Variants in ANKS1B observed in about 807,000 individuals in gnomAD.
The protein encoded by ANKS1B is ankyrin repeat and sterile alpha motif domain containing 1B.
Under a neutral mutation model 148.3 loss-of-function variants are expected in ANKS1B, and 36 were observed. The observed-to-expected ratio is 0.24, with a 90% CI of 0.19 to 0.32. ANKS1B has a LOEUF of 0.32. ANKS1B is among the 10% of genes least tolerant of loss of function. The pLI is 1.00. For synonymous variants in ANKS1B, 542 were observed against 560.8 expected (o/e 0.97, Z 0.47); for missense variants, 1,157 against 1,542.6 (o/e 0.75, Z 4.19).
At chr12:99,635,266 A>G (rs1051637139) in intron 9 of ANKS1B, among the ~76,000 whole-genome samples, 2 of 152,204 alleles carry the variant, frequency 1.3e-5, no homozygotes, top group Non-Finnish European at 2.9e-5. Context: ...TATGCATCCA[A>G]AAGAATTAAA....
rs111872969 is a variant in ANKS1B at position 99,776,711 on chromosome 12, G to A, written c.848-1050C>T. On this transcript the variant is annotated intron_variant, in intron 6 of 26. Coordinates refer to ENST00000683438, the MANE Select transcript of ANKS1B (RefSeq NM_001352186.2). ...GTTTGTTTGTTTGAGATGGATTCTCGCTCTGTCGCCCAGGCTGGAGTGCAG... is the reference window on the plus strand; with the variant it reads ...GTTTGTTTGTTTGAGATGGATTCTCACTCTGTCGCCCAGGCTGGAGTGCAG... 1.7e-3 allele frequency among the ~76,000 whole-genome samples: 262 copies of A among 151,570 alleles called. 7 individuals are homozygous for A. Among genetic ancestry groups the A allele is most frequent in the African/African-American group, 4.8e-3 (197 of 41,266 alleles).
intron 8 of ANKS1B, among the ~76,000 whole-genome samples, chr12:99,755,594 CAAAA>C (rs369571107): frequency 0.02 from 2,408 of 123,270 alleles, 72 homozygotes; most frequent in South Asian, 0.13. Context: ...CAAAAATCCT[CAAAA>C]AAAAAAAAAA....
At chr12:98,889,236 T>C (rs1014215648) in intron 17 of ANKS1B, among the ~76,000 whole-genome samples, 17 of 152,318 alleles carry the variant, frequency 1.1e-4, no homozygotes, top group Admixed American at 9.8e-4. Flanking sequence ...AAATAGGAAA[T>C]TAAAAAGAAA....
intron 17 of ANKS1B, among the ~76,000 whole-genome samples, chr12:98,927,283 A>G (rs895394019): frequency 7.2e-5 from 11 of 152,128 alleles, no homozygotes; most frequent in Admixed American, 1.3e-4. Flanking sequence ...AGAAATTAAG[A>G]CATCCTCAGA....
intron 12 of ANKS1B, among the ~76,000 whole-genome samples, chr12:99,271,755 G>A (rs2077074104): frequency 6.8e-6 from 1 of 147,838 alleles, no homozygotes; most frequent in Non-Finnish European, 1.5e-5. Context: ...AAATGAAAAG[G>A]TCTTAGCAAC....
rs1024757494 is a variant in ANKS1B, at chr12:99,845,601, T to C, written c.135-20212A>G. ...TGATCGTGGTAGATAAGCTTTTTGATGTGCTGCTGGATTCAGTTTTCTGGT... is the reference window on the plus strand; with the variant it reads ...TGATCGTGGTAGATAAGCTTTTTGACGTGCTGCTGGATTCAGTTTTCTGGT... On this transcript the variant is annotated intron_variant, in intron 1 of 26. Coordinates refer to ENST00000683438, the MANE Select transcript of ANKS1B (RefSeq NM_001352186.2). Among the ~76,000 whole-genome samples the C allele has an allele frequency of 4.6e-5, 7 of 152,310 alleles. No homozygotes were observed. In the South Asian group the frequency reaches 8.3e-4, roughly 18 times the overall value.
At chr12:98,884,513 T>C (rs935906436) in intron 17 of ANKS1B, among the ~76,000 whole-genome samples, 6 of 152,174 alleles carry the variant, frequency 3.9e-5, no homozygotes, top group African/African-American at 7.2e-5. Flanking sequence ...AACTATCTAT[T>C]TGGGGGCCGG....
At chr12:98,740,895 G>A (rs562279184), downstream of ANKS1B, among the ~76,000 whole-genome samples, 1 of 152,278 alleles carries the variant, frequency 6.6e-6, no homozygotes, top group African/African-American at 2.4e-5. Flanking sequence ...CTTTTCTAAT[G>A]CCTGGAATAT....
intron 14 of ANKS1B, among the ~76,000 whole-genome samples, chr12:99,175,065 A>T (rs1211854818): frequency 1.3e-5 from 2 of 152,168 alleles, no homozygotes; most frequent in Non-Finnish European, 2.9e-5. Flanking sequence ...TAGCTAGCTG[A>T]TGTTGGATAT....
chr12:99,137,871 T>C (rs2068696215), intron 15 of ANKS1B, among the ~76,000 whole-genome samples: 1 of 152,072 alleles, frequency 6.6e-6, no homozygotes, highest in Non-Finnish European at 1.5e-5. Context: ...TGACCTCTTC[T>C]GTGGAGCCTT....
At chr12:99,447,375 C>T (rs1488249114) in intron 10 of ANKS1B, among the ~76,000 whole-genome samples, 1 of 151,988 alleles carries the variant, frequency 6.6e-6, no homozygotes, top group Non-Finnish European at 1.5e-5. Flanking sequence ...ACTTGAGAAA[C>T]TGAGGCAGGA....
intron 9 of ANKS1B, among the ~76,000 whole-genome samples, chr12:99,526,635 G>T (rs1428560027): frequency 6.6e-6 from 1 of 152,128 alleles, no homozygotes; most frequent in Non-Finnish European, 1.5e-5. Context: ...CATGAAGCTT[G>T]ATTCTTAGAT....
At position 99,484,850 on chromosome 12, in the gene ANKS1B, C is replaced by T. The variant is rs114162135; in HGVS notation, c.1438+19626G>A. 5.0e-3 allele frequency among the ~76,000 whole-genome samples: 740 copies of T among 146,814 alleles called. 6 individuals carry two copies. Among genetic ancestry groups the T allele is most frequent in the African/African-American group, 0.017 (678 of 39,572 alleles). ...AGCTACTCCTGCTTGCTTTTGTTTC[C>T]GTTTGTGTGGAATATCTTTTTCCAC... On this transcript the variant is annotated intron_variant, in intron 10 of 26. Coordinates refer to ENST00000683438, the MANE Select transcript of ANKS1B (RefSeq NM_001352186.2).
intron 17 of ANKS1B, among the ~76,000 whole-genome samples, chr12:98,917,298 AG>A (rs1317668261): frequency 6.6e-6 from 1 of 152,198 alleles, no homozygotes; most frequent in Non-Finnish European, 1.5e-5. Context: ...ACAGGGTCTT[AG>A]GACCCAGGTA....
At chr12:99,665,630 GC>G (rs1171772201) in intron 8 of ANKS1B, among the ~76,000 whole-genome samples, 1 of 151,984 alleles carries the variant, frequency 6.6e-6, no homozygotes, top group Non-Finnish European at 1.5e-5. Context: ...GGGACTACAG[GC>G]GCCCACCACC....
chr12:98,971,123 C>G (rs2153204227), intron 17 of ANKS1B, among the ~76,000 whole-genome samples: 1 of 152,254 alleles, frequency 6.6e-6, no homozygotes, highest in South Asian at 2.1e-4. Flanking sequence ...TGACCTTGGC[C>G]AAGTTTTAAA....
At chr12:99,343,480 G>A (rs2090222334) in intron 12 of ANKS1B, among the ~76,000 whole-genome samples, 2 of 151,950 alleles carry the variant, frequency 1.3e-5, no homozygotes, top group African/African-American at 4.8e-5. Context: ...TCCAGCATAA[G>A]GCTAATCCCT....
chr12:98,835,171 G>A (rs2099355790), intron 17 of ANKS1B, among the ~76,000 whole-genome samples: 1 of 151,866 alleles, frequency 6.6e-6, no homozygotes, highest in South Asian at 2.1e-4. Context: ...GTACAATTGA[G>A]CTGATGTAAT....
chr12:98,921,343 G>A (rs903845674), intron 17 of ANKS1B, among the ~76,000 whole-genome samples: 21 of 152,172 alleles, frequency 1.4e-4, no homozygotes, highest in Admixed American at 6.5e-4. Flanking sequence ...TTATGTAAGG[G>A]TGAAGGCCCT....
Sources: allele counts gnomAD v4.1 joint callset (sites outside exome capture counted in the v4.1 genomes callset), GRCh38; gene constraint gnomAD v4.1.1; transcripts MANE v1.5; gene names NCBI Gene and HGNC (gene_info 2026-07-23, HGNC 2026-07-21).